PPM1E: variants seen among roughly 807,000 people sequenced by gnomAD.
PPM1E encodes the protein protein phosphatase, Mg2+/Mn2+ dependent 1E, also known as protein phosphatase 1E.
In PPM1E, 20 loss-of-function variants were observed where a neutral mutation model predicts 65.9. That is an observed-to-expected ratio of 0.30 (90% CI 0.21 to 0.44). The LOEUF (loss-of-function observed/expected upper bound fraction) is 0.44, where lower values mean the gene tolerates loss of function less well. PPM1E is among the 20% of genes least tolerant of loss of function. The pLI is 1.00. For synonymous variants in PPM1E, 352 were observed against 374.9 expected, an observed-to-expected ratio of 0.94 and a Z score of 0.70; for missense variants, 713 against 953.1, an observed-to-expected ratio of 0.75 and a Z score of 3.32.
intron 5 of PPM1E, 34 bp downstream of exon 5, chr17:58,972,309 C>CT: frequency 6.3e-7 from 1 of 1,576,714 alleles, no homozygotes; most frequent in Non-Finnish European, 8.6e-7. Flanking sequence ...AGCCCATGCT[C>CT]TAGTTATTAG....
intron 1 of PPM1E, among the ~76,000 whole-genome samples, chr17:58,879,744 C>T (rs2051171218): frequency 6.6e-6 from 1 of 151,920 alleles, no homozygotes; most frequent in Non-Finnish European, 1.5e-5. Flanking sequence ...CTCCTGACCT[C>T]GTGATCCACC....
intron 6 of PPM1E, among the ~76,000 whole-genome samples, chr17:58,973,199 C>T (rs1196725819): frequency 2.0e-5 from 3 of 151,750 alleles, no homozygotes; most frequent in South Asian, 2.1e-4. Flanking sequence ...GGGTGTATCA[C>T]GAGGTCAGGA....
In PPM1E at chr17:58,897,155, C is replaced by T. The variant is rs2051429717; in HGVS notation, c.465-58494C>T. Reference sequence around the variant, plus strand: ...GCCGGCCGGGCGCGGTGGCTCACGCCTGTAATCCCAACACTTTGGGAGGCT... The same window carrying T: ...GCCGGCCGGGCGCGGTGGCTCACGCTTGTAATCCCAACACTTTGGGAGGCT... On this transcript the variant is annotated intron_variant, in intron 1 of 6. Transcript: ENST00000308249. Among the ~76,000 whole-genome samples the T allele has an allele frequency of 3.3e-5, 5 of 152,246 alleles. No homozygotes were observed. The South Asian group carries it at 1.0e-3, about 32-fold the overall frequency.
chr17:58,760,779 G>T (rs1362895877), intron 1 of PPM1E, among the ~76,000 whole-genome samples: 2 of 152,132 alleles, frequency 1.3e-5, no homozygotes, highest in African/African-American at 4.8e-5. Context: ...CTGCAAGTTT[G>T]GGGGTTTCCC....
intron 1 of PPM1E, among the ~76,000 whole-genome samples, chr17:58,834,271 G>A (rs1005554453): frequency 6.6e-6 from 1 of 151,722 alleles, no homozygotes; most frequent in Admixed American, 6.6e-5. Flanking sequence ...TTGAGGTTAG[G>A]GATTTCCTTA....
chr17:58,834,917 A>G (rs2143190967), intron 1 of PPM1E, among the ~76,000 whole-genome samples: 1 of 152,246 alleles, frequency 6.6e-6, no homozygotes, highest in South Asian at 2.1e-4. Flanking sequence ...ATGTATAAAA[A>G]TCTGTTAGGA....
rs1567904569 is a variant in PPM1E, at chr17:58,983,597, G to A, written c.*2566G>A. 1 of 152,540 alleles carries A rather than the reference G, an allele frequency of 6.6e-6. No individual in the cohort carries two copies. The highest frequency in any genetic ancestry group is 1.5e-5 in the Non-Finnish European group (1 of 68,010). 9.4% of individuals were successfully genotyped at this position (152,540 alleles called of 1,614,324 possible). On this transcript the variant is annotated 3_prime_UTR_variant, in exon 7 of 7. Transcript: ENST00000308249. The stretch of plus-strand genomic sequence containing the variant: ...CTTGTATTTAATGATGGTGTACCTG[G>A]TGATTGTAAAAATATTAGACAGATA...
intron 6 of PPM1E, 67 bp from the exon 7 acceptor site, chr17:58,979,907 C>A: frequency 7.9e-7 from 1 of 1,273,878 alleles, no homozygotes; most frequent in Non-Finnish European, 1.1e-6. Flanking sequence ...TGGCATTGGT[C>A]ATAAACGTTC....
At chr17:58,967,564 G>A (rs1025055392) in intron 3 of PPM1E, among the ~76,000 whole-genome samples, 17 of 151,514 alleles carry the variant, frequency 1.1e-4, no homozygotes, top group Non-Finnish European at 1.6e-4. Flanking sequence ...GGTTATCTGT[G>A]TATGGTGGAA....
intron 1 of PPM1E, among the ~76,000 whole-genome samples, chr17:58,783,348 A>G (rs551321451): frequency 6.6e-6 from 1 of 152,366 alleles, no homozygotes; most frequent in South Asian, 2.1e-4. Context: ...TTGATGAAGG[A>G]TAAATAGCCT....
intron 1 of PPM1E, among the ~76,000 whole-genome samples, chr17:58,765,433 C>A (rs889966231): frequency 1.3e-5 from 2 of 152,052 alleles, no homozygotes; most frequent in African/African-American, 4.8e-5. Context: ...GCCTTGGCCT[C>A]CCAAAGTGCT....
At chr17:58,887,768 G>A (rs114734237) in intron 1 of PPM1E, among the ~76,000 whole-genome samples, 2,925 of 152,270 alleles carry the variant, frequency 0.019, 91 homozygotes, top group African/African-American at 0.067. Flanking sequence ...AGCAGAGGAA[G>A]GACATGATCT....
chr17:58,977,077 G>A (rs747506790), intron 6 of PPM1E, among the ~76,000 whole-genome samples: 4 of 152,030 alleles, frequency 2.6e-5, no homozygotes, highest in Non-Finnish European at 5.9e-5. Flanking sequence ...GGCTATGGAG[G>A]CACCTTAGCA....
intron 1 of PPM1E, among the ~76,000 whole-genome samples, chr17:58,797,695 T>C (rs1420552778): frequency 3.3e-5 from 5 of 152,206 alleles, no homozygotes; most frequent in Non-Finnish European, 7.3e-5. Flanking sequence ...GCAAGTCTTT[T>C]TGTGGACATG....
At chr17:58,875,062 C>T (rs549583494) in intron 1 of PPM1E, among the ~76,000 whole-genome samples, 3 of 152,148 alleles carry the variant, frequency 2.0e-5, no homozygotes, top group African/African-American at 7.2e-5. Context: ...AATGTAATTG[C>T]CCTTACTTGG....
chr17:58,942,793 G>T (rs1048692245), intron 1 of PPM1E, among the ~76,000 whole-genome samples: 5 of 151,340 alleles, frequency 3.3e-5, no homozygotes, highest in Non-Finnish European at 5.9e-5. Context: ...CCTGCACATT[G>T]TGCACATGTA....
chr17:58,859,135 A>G (rs1197184523), intron 1 of PPM1E, among the ~76,000 whole-genome samples: 3 of 152,178 alleles, frequency 2.0e-5, no homozygotes, highest in Non-Finnish European at 4.4e-5. Context: ...GGGTTGCAAC[A>G]TGTTTCATAC....
intron 1 of PPM1E, among the ~76,000 whole-genome samples, chr17:58,954,988 G>T (rs1323265518): frequency 6.6e-6 from 1 of 151,648 alleles, no homozygotes; most frequent in South Asian, 2.1e-4. Context: ...ATCCTTTAAG[G>T]TATGGCATTC....
chr17:58,965,036 A>C (rs767967992), intron 2 of PPM1E, among the ~76,000 whole-genome samples: 14 of 134,330 alleles, frequency 1.0e-4, no homozygotes, highest in Non-Finnish European at 1.5e-4. Flanking sequence ...CAAAAGCGAA[A>C]CTCCGTCTTA....
Sources: allele counts gnomAD v4.1 joint callset (sites outside exome capture counted in the v4.1 genomes callset), GRCh38; gene constraint gnomAD v4.1.1; transcripts MANE v1.5; gene names NCBI Gene and HGNC (gene_info 2026-07-23, HGNC 2026-07-21).